Variants in DAPK1 observed in about 807,000 individuals in gnomAD.
The protein encoded by DAPK1 is death associated protein kinase 1.
DAPK1 carries 56 observed loss-of-function variants against 144.9 expected under a neutral mutation model. The ratio of observed to expected loss-of-function variants is 0.39; its 90% CI spans 0.31 to 0.48. The LOEUF (loss-of-function observed/expected upper bound fraction) is 0.48, where lower values mean the gene tolerates loss of function less well. Ranked by LOEUF, DAPK1 falls within the 20% of genes least tolerant of loss-of-function variation. The pLI is 0.95. For synonymous variants in DAPK1, 690 were observed against 749.0 expected, an observed-to-expected ratio of 0.92 and a Z score of 1.29; for missense variants, 1,454 against 1,875.4, an observed-to-expected ratio of 0.78 and a Z score of 4.15.
chr9:87,535,256 G>A (rs1309866654), intron 2 of DAPK1, among the ~76,000 whole-genome samples: 1 of 151,974 alleles, frequency 6.6e-6, no homozygotes, highest in African/African-American at 2.4e-5. Context: ...TTTAAGGATG[G>A]GGGGATTACT....
chr9:87,621,134 A>T (rs1434194232), intron 3 of DAPK1, among the ~76,000 whole-genome samples: 1 of 152,090 alleles, frequency 6.6e-6, no homozygotes. Context: ...TCCTCCAAGT[A>T]TTGCCTGGAG....
chr9:87,639,892 G>A, intron 7 of DAPK1, 77 bp downstream of exon 7: 1 of 1,482,424 alleles, frequency 6.7e-7, no homozygotes, highest in Non-Finnish European at 9.3e-7. Context: ...TAAATGTGCT[G>A]TGTTGATCTC....
chr9:87,550,904 T>A (rs1826453640), intron 2 of DAPK1, among the ~76,000 whole-genome samples: 1 of 152,188 alleles, frequency 6.6e-6, no homozygotes, highest in African/African-American at 2.4e-5. Flanking sequence ...GCACAAGTGT[T>A]TCTGTGGACG....
intron 2 of DAPK1, among the ~76,000 whole-genome samples, chr9:87,568,607 G>A (rs779002865): frequency 1.3e-5 from 2 of 152,180 alleles, no homozygotes; most frequent in African/African-American, 4.8e-5. Context: ...TGTGGGTGGC[G>A]TCACCTTGCA....
At position 87,707,288 on chromosome 9, in the gene DAPK1, A is replaced by G. The variant is rs1414183207; in HGVS notation, c.4217A>G (p.Asn1406Ser). 5.6e-6 allele frequency: 9 copies of G among 1,613,358 alleles called. No individual in the cohort carries two copies. The highest frequency in any genetic ancestry group is 5.3e-5 in the African/African-American group (4 of 74,932). Residue 1406 changes from asparagine (N) to serine (S), a missense_variant, in exon 26 of 26, where the codon AAT (asparagine) becomes AGT (serine). By Grantham distance (46) the Asn-to-Ser change is conservative. Transcript: ENST00000408954. The surrounding 1 kb of genome is among the most constrained non-coding windows in gnomAD (Gnocchi z 4.0). ...GTGTTCAAAATCAACCTGGATGGCA[A>G]TGGCCAGGAGGCCTATGCCTCGAGC... ...SSVFKINLDG[N>S]GQEAYASSCN... is the part of the protein sequence containing the mutation.
chr9:87,562,625 A>G (rs1230932039), intron 2 of DAPK1, among the ~76,000 whole-genome samples: 1 of 152,234 alleles, frequency 6.6e-6, no homozygotes, highest in Admixed American at 6.5e-5. Context: ...AGTATTAGGA[A>G]TTGAGTCATT....
At chr9:87,517,976 T>C (rs996561819) in intron 2 of DAPK1, among the ~76,000 whole-genome samples, 2 of 152,074 alleles carry the variant, frequency 1.3e-5, no homozygotes, top group Non-Finnish European at 2.9e-5. Context: ...TGATCATGGG[T>C]GCCTGGGTCC....
chr9:87,628,270 A>T (rs1403906024), intron 3 of DAPK1, among the ~76,000 whole-genome samples: 4 of 152,250 alleles, frequency 2.6e-5, no homozygotes, highest in Non-Finnish European at 5.9e-5. Context: ...TTGTATATTC[A>T]GATACAGCTT....
chr9:87,507,316 G>A (rs1824641341), intron 2 of DAPK1, among the ~76,000 whole-genome samples: 1 of 152,152 alleles, frequency 6.6e-6, no homozygotes, highest in Admixed American at 6.5e-5. Flanking sequence ...GGGTTCAAGC[G>A]ATTCTCCTGC....
chr9:87,565,264 A>G (rs1385776844), intron 2 of DAPK1, among the ~76,000 whole-genome samples: 1 of 142,852 alleles, frequency 7.0e-6, no homozygotes, highest in African/African-American at 3.0e-5. Context: ...GAAAAACGTG[A>G]GACAGAACTC....
In DAPK1 at chr9:87,707,693, C is replaced by T. The variant is rs1825690882; in HGVS notation, c.*329C>T. On this transcript the variant is annotated 3_prime_UTR_variant, in exon 26 of 26. Coordinates refer to ENST00000408954, the MANE Select transcript of DAPK1 (RefSeq NM_004938.4). This position sits in a 1 kb window ranked among gnomAD's most constrained non-coding sequence, Gnocchi z 4.0. ...TCTTACTGATAATTTTGCTGGAATT[C>T]CTAACTTTTCAATGACATTTTTTTT... 1 of 446,996 alleles carries T rather than the reference C, an allele frequency of 2.2e-6. No individual in the cohort carries two copies. The highest frequency in any genetic ancestry group is 2.0e-5 in the African/African-American group (1 of 50,158). 27.7% of individuals were successfully genotyped at this position (446,996 alleles called of 1,614,324 possible). A position where few individuals can be genotyped will look rare whatever the true frequency, so the allele number is the denominator to read the frequency against.
rs1825340655 is a variant in DAPK1, at chr9:87,698,545, T to A, written c.2612-111T>A. The A allele has an allele frequency of 4.2e-6, 3 of 710,116 alleles. No individual in the cohort carries two copies. The East Asian group carries it at 7.4e-5, about 17-fold the overall frequency. 44.0% of individuals were successfully genotyped at this position (710,116 alleles called of 1,614,324 possible). On this transcript the variant is annotated intron_variant, in intron 22 of 25. Transcript: ENST00000408954. The stretch of plus-strand genomic sequence containing the variant: ...TCATCTCTGTGGCATGTTGCACTTG[T>A]ACCTGGAGAGTCGGCCTGGGCATGA...
At chr9:87,518,124 T>C (rs1471073550) in intron 2 of DAPK1, among the ~76,000 whole-genome samples, 1 of 145,978 alleles carries the variant, frequency 6.9e-6, no homozygotes, top group Non-Finnish European at 1.5e-5. Flanking sequence ...TTTTTTTTTT[T>C]TTTCTGAGAT....
intron 2 of DAPK1, chr9:87,525,403 A>T: frequency 6.2e-7 from 1 of 1,611,554 alleles, no homozygotes; most frequent in South Asian, 1.1e-5. Context: ...TGATCCGGAA[A>T]TATGGCCTCA....
intron 3 of DAPK1, among the ~76,000 whole-genome samples, chr9:87,609,461 T>TTAC (rs1345187520): frequency 6.6e-6 from 1 of 152,242 alleles, no homozygotes; most frequent in Non-Finnish European, 1.5e-5. Flanking sequence ...TTTTATGTAT[T>TTAC]TACGTTACCT....
chr9:87,665,106 C>G (rs1189264220), intron 18 of DAPK1, among the ~76,000 whole-genome samples: 1 of 151,834 alleles, frequency 6.6e-6, no homozygotes, highest in Non-Finnish European at 1.5e-5. Context: ...ATCCCTCCCC[C>G]ACCCCCAGGA....
chr9:87,661,621 T>C (rs1343086635), intron 18 of DAPK1, among the ~76,000 whole-genome samples: 1 of 152,216 alleles, frequency 6.6e-6, no homozygotes, highest in Non-Finnish European at 1.5e-5. Flanking sequence ...CTGTCTTCTT[T>C]TGAAAAATGT....
chr9:87,523,248 G>A (rs975285794), intron 2 of DAPK1, among the ~76,000 whole-genome samples: 20 of 152,218 alleles, frequency 1.3e-4, no homozygotes, highest in African/African-American at 4.6e-4. Flanking sequence ...TATCAAATTC[G>A]TTTAATCTTT....
At chr9:87,704,130 C>T (rs1324261119) in intron 25 of DAPK1, among the ~76,000 whole-genome samples, 1 of 152,156 alleles carries the variant, frequency 6.6e-6, no homozygotes, top group African/African-American at 2.4e-5. Flanking sequence ...ATTTCATCAG[C>T]CTTTAAACTC....
Sources: allele counts gnomAD v4.1 joint callset (sites outside exome capture counted in the v4.1 genomes callset), GRCh38; gene constraint gnomAD v4.1.1; non-coding constraint Gnocchi (gnomAD v3.1); transcripts MANE v1.5; gene names NCBI Gene and HGNC (gene_info 2026-07-23, HGNC 2026-07-21).